Variants in MEGF11 observed in about 807,000 individuals in gnomAD.
MEGF11 encodes multiple epidermal growth factor-like domains protein 11.
In MEGF11, 126 loss-of-function variants were observed where a neutral mutation model predicts 146.6. The ratio of observed to expected loss-of-function variants is 0.86; its 90% CI spans 0.74 to 1.00. MEGF11 has a LOEUF of 1.00. MEGF11 is among the 50% of genes least tolerant of loss of function. The pLI is 0.00. For synonymous variants in MEGF11, 532 were observed against 583.4 expected, an observed-to-expected ratio of 0.91 and a Z score of 1.27; for missense variants, 1,509 against 1,521.2, an observed-to-expected ratio of 0.99 and a Z score of 0.13.
At chr15:66,162,011 T>A (rs1195607151) in intron 1 of MEGF11, among the ~76,000 whole-genome samples, 1 of 152,118 alleles carries the variant, frequency 6.6e-6, no homozygotes, top group Non-Finnish European at 1.5e-5. Flanking sequence ...GAGGAGCCAA[T>A]CTAATATTTT....
chr15:66,139,621 A>G (rs2089051423), intron 1 of MEGF11, among the ~76,000 whole-genome samples: 1 of 152,186 alleles, frequency 6.6e-6, no homozygotes, highest in Non-Finnish European at 1.5e-5. Flanking sequence ...AAAAAAAAAA[A>G]AAATGGGAGG....
chr15:66,201,962 A>AC (rs1273501763), intron 1 of MEGF11, among the ~76,000 whole-genome samples: 1 of 147,902 alleles, frequency 6.8e-6, no homozygotes, highest in African/African-American at 2.5e-5. Context: ...AAAAAAAAAA[A>AC]AAAAAAAAAA....
chr15:65,967,273 C>T (rs2081137636), intron 8 of MEGF11: 1 of 152,148 alleles, frequency 6.6e-6, no homozygotes, highest in Non-Finnish European at 1.5e-5. Context: ...TATAACAGAG[C>T]CCATCTGACC....
chr15:65,916,836 C>T lies in MEGF11; in HGVS notation c.2207G>A (p.Cys736Tyr), dbSNP rs372788470. Residue 736 changes from cysteine (C) to tyrosine (Y), a missense_variant, in exon 17 of 26, where the codon TGC becomes TAC. Cys to Tyr is a radical substitution (Grantham distance 194). Coordinates refer to ENST00000395614, the MANE Select transcript of MEGF11 (RefSeq NM_001385028.1). ...HCTPGWTGLF[C>Y]TQRCPAAFFG... ...CAGGAGGTGGGGCTTACGCTGTGTG[C>T]AGAAGAGTCCAGTCCAGCCAGGGGT... is the stretch of plus-strand genomic sequence containing the variant. 34 of 1,607,034 alleles carry T rather than the reference C, an allele frequency of 2.1e-5. No homozygotes were observed. Among genetic ancestry groups the T allele is most frequent in the Non-Finnish European group, 2.9e-5 (34 of 1,175,648 alleles).
chr15:65,899,996 C>T (rs757859952), intron 24 of MEGF11, among the ~76,000 whole-genome samples: 5 of 152,126 alleles, frequency 3.3e-5, no homozygotes, highest in African/African-American at 7.2e-5. Context: ...CTCTTTCAGC[C>T]TCTGTACCAT....
At chr15:65,955,781 T>G (rs56226440) in intron 10 of MEGF11, among the ~76,000 whole-genome samples, 22 of 8,238 alleles carry the variant, frequency 2.7e-3, no homozygotes, top group East Asian at 7.4e-3. Context: ...TATATATATA[T>G]ATATATATAT....
intron 1 of MEGF11, among the ~76,000 whole-genome samples, chr15:66,213,946 C>T (rs1191336775): frequency 6.6e-6 from 1 of 151,940 alleles, no homozygotes; most frequent in Non-Finnish European, 1.5e-5. Context: ...AGAAACCTAC[C>T]CCTTGGTAAG....
intron 24 of MEGF11, chr15:65,905,433 A>G (rs1197697495): frequency 6.6e-6 from 1 of 152,256 alleles, no homozygotes. Context: ...AATGAGCAAC[A>G]GAGTGGCAAG....
intron 4 of MEGF11, among the ~76,000 whole-genome samples, chr15:66,109,784 C>T (rs2087293118): frequency 6.6e-6 from 1 of 152,186 alleles, no homozygotes; most frequent in South Asian, 2.1e-4. Context: ...TCCTTCCATC[C>T]CTAGATAAAG....
chr15:66,057,743 G>A (rs140273020), intron 5 of MEGF11, among the ~76,000 whole-genome samples: 1 of 152,060 alleles, frequency 6.6e-6, no homozygotes, highest in Non-Finnish European at 1.5e-5. Flanking sequence ...CTATTATTAT[G>A]ATTATGTTTA....
At position 65,967,442 on chromosome 15, in the gene MEGF11, TA is replaced by T. The variant is rs975491835; in HGVS notation, c.900-2323del. ...CAGTAATCAGAGGGGAAAAGCAATT[TA>T]AAAAAAAATACAGCTCTAACTTCTT... On this transcript the variant is annotated intron_variant, in intron 8 of 25. Transcript: ENST00000395614. 4.0e-4 allele frequency among the ~76,000 whole-genome samples: 60 copies of T among 151,638 alleles called. 1 individual carries two copies. The highest frequency in any genetic ancestry group is 1.6e-3 in the Admixed American group (25 of 15,246).
rs569595018 is a variant in MEGF11 at position 66,096,041 on chromosome 15, G to T, written c.302-1547C>A. ...GGACTTTCCAAACAAGCTCAAATGGGTCAGTGCCCCCAGGACACACCAGTG... is the reference window on the plus strand; with the variant it reads ...GGACTTTCCAAACAAGCTCAAATGGTTCAGTGCCCCCAGGACACACCAGTG... On this transcript the variant is annotated intron_variant, in intron 4 of 25. Transcript: ENST00000395614. Among the ~76,000 whole-genome samples the T allele has an allele frequency of 3.3e-5, 5 of 152,240 alleles. No homozygotes were observed. In the East Asian group the frequency reaches 9.7e-4, roughly 29 times the overall value.
At position 65,910,344 on chromosome 15, in the gene MEGF11, C is replaced by G. The variant is rs530868155; in HGVS notation, c.2830-538G>C. Among the ~76,000 whole-genome samples the G allele has an allele frequency of 2.0e-5, 3 of 152,154 alleles. No individual in the cohort carries two copies. In the South Asian group the frequency reaches 6.2e-4, roughly 32 times the overall value. Reference sequence around the variant, plus strand: ...CATTCTCTGCATTTTCACAGCTGCCCTTCATATGAGGCAAGGATGGTTATC... The same window carrying G: ...CATTCTCTGCATTTTCACAGCTGCCGTTCATATGAGGCAAGGATGGTTATC... On this transcript the variant is annotated intron_variant, in intron 21 of 25. Coordinates refer to ENST00000395614, the MANE Select transcript of MEGF11 (RefSeq NM_001385028.1).
At chr15:66,093,520 C>T (rs1056995228) in intron 5 of MEGF11, among the ~76,000 whole-genome samples, 12 of 152,186 alleles carry the variant, frequency 7.9e-5, no homozygotes, top group African/African-American at 2.9e-4. Flanking sequence ...ACTCAGGTCA[C>T]CATAAAGAGA....
At chr15:66,042,400 A>G (rs1351384093) in intron 5 of MEGF11, among the ~76,000 whole-genome samples, 2 of 152,046 alleles carry the variant, frequency 1.3e-5, no homozygotes, top group African/African-American at 4.8e-5. Context: ...ATGAGCCACC[A>G]CACCCGGCCA....
At chr15:66,236,543 T>C (rs1567294433) in intron 1 of MEGF11, among the ~76,000 whole-genome samples, 2 of 152,166 alleles carry the variant, frequency 1.3e-5, no homozygotes, top group East Asian at 1.9e-4. Context: ...CTCAATACCA[T>C]TCAATACCAC....
chr15:66,048,292 G>C (rs1355218380), intron 5 of MEGF11, among the ~76,000 whole-genome samples: 1 of 152,232 alleles, frequency 6.6e-6, no homozygotes, highest in African/African-American at 2.4e-5. Flanking sequence ...AGGCTCACAG[G>C]AGCAGGGGTT....
At chr15:65,962,757 T>C (rs1213026922) in intron 9 of MEGF11, among the ~76,000 whole-genome samples, 1 of 152,168 alleles carries the variant, frequency 6.6e-6, no homozygotes, top group Non-Finnish European at 1.5e-5. Flanking sequence ...GCCACAGGGA[T>C]GGACAAGCCA....
intron 1 of MEGF11, among the ~76,000 whole-genome samples, chr15:66,146,086 C>T (rs1451741698): frequency 6.6e-6 from 1 of 152,086 alleles, no homozygotes; most frequent in African/African-American, 2.4e-5. Flanking sequence ...TTTTAATTTG[C>T]TGGGTGATTT....
Sources: gnomAD v4.1 joint callset for allele counts (sites outside exome capture counted in the v4.1 genomes callset) on GRCh38, gnomAD v4.1.1 for gene constraint, MANE v1.5 for transcripts, NCBI Gene and HGNC (gene_info 2026-07-23, HGNC 2026-07-21) for gene names.